The following CCDC39 variants were observed in gnomAD, a reference collection of about 807,000 sequenced individuals.
CCDC39 encodes coiled-coil domain 39 molecular ruler complex subunit.
Under a neutral mutation model 121.0 loss-of-function variants are expected in CCDC39, and 113 were observed. That is an observed-to-expected ratio of 0.93 (90% CI 0.80 to 1.09). The LOEUF (loss-of-function observed/expected upper bound fraction) is 1.09. Ranked by LOEUF, CCDC39 falls within the 50% of genes least tolerant of loss-of-function variation. The pLI, the probability that CCDC39 is intolerant of heterozygous loss-of-function variation, is 0.00. For synonymous variants in CCDC39, 349 were observed against 352.2 expected (o/e 0.99, Z 0.10); for missense variants, 1,063 against 1,074.7 (o/e 0.99, Z 0.15).
At position 180,616,379 on chromosome 3, in the gene CCDC39, A is replaced by G; in HGVS notation, c.2587-16T>C. 1 of 1,600,780 alleles carries G rather than the reference A, an allele frequency of 6.2e-7. No homozygotes were observed. The highest frequency in any genetic ancestry group is 1.3e-5 in the African/African-American group (1 of 74,640). ...CTAACCCACTCTGGAGGAATATTCA[A>G]TAGCAATCATTAGTACTACCTACTG... On this transcript the variant is annotated splice_polypyrimidine_tract_variant and intron_variant, in intron 18 of 19. Transcript: ENST00000476379.
intron 14 of CCDC39, among the ~76,000 whole-genome samples, chr3:180,625,097 A>G (rs1383184088): frequency 6.6e-6 from 1 of 152,152 alleles, no homozygotes; most frequent in Non-Finnish European, 1.5e-5. Context: ...GTTTTCATCA[A>G]TTATTTCCTT....
Position 180,670,393 on chromosome 3 carries a change from T to C in CCDC39, c.91-6407A>G, listed in dbSNP as rs192107565. Among the ~76,000 whole-genome samples, 11 of 152,116 alleles carry C rather than the reference T, an allele frequency of 7.2e-5. No homozygotes were observed. The East Asian group carries it at 1.2e-3, about 16-fold the overall frequency. On this transcript the variant is annotated intron_variant, in intron 1 of 19. Coordinates refer to ENST00000476379, the MANE Select transcript of CCDC39 (RefSeq NM_181426.2). ...AAAAGCTGACAATTTTCTATGACTATTTCCTAGAATCCAAGGCAAAGAAGA... is the reference window on the plus strand; with the variant it reads ...AAAAGCTGACAATTTTCTATGACTACTTCCTAGAATCCAAGGCAAAGAAGA...
intron 19 of CCDC39, 64 bp from the exon 20 acceptor site, chr3:180,615,141 T>G: frequency 8.1e-7 from 1 of 1,228,606 alleles, no homozygotes; most frequent in Non-Finnish European, 1.1e-6. Context: ...GACCCTCTCA[T>G]TATTGGCAAA....
At chr3:180,662,461 T>C (rs1450496634) in intron 2 of CCDC39, among the ~76,000 whole-genome samples, 1 of 152,168 alleles carries the variant, frequency 6.6e-6, no homozygotes, top group Non-Finnish European at 1.5e-5. Flanking sequence ...TATATTAGCA[T>C]ATAATCACAT....
At chr3:180,628,329 T>C (rs1401264300) in intron 14 of CCDC39, among the ~76,000 whole-genome samples, 1 of 152,104 alleles carries the variant, frequency 6.6e-6, no homozygotes, top group Non-Finnish European at 1.5e-5. Flanking sequence ...TGCCTCAGCC[T>C]CCCGAGGAGC....
At chr3:180,663,721 A>G (rs1359827377) in intron 2 of CCDC39, 146 bp downstream of exon 2, 12 of 781,096 alleles carry the variant, frequency 1.5e-5, no homozygotes, top group African/African-American at 1.1e-4. Flanking sequence ...GCCTTTTTCT[A>G]TCTACTTTCA....
chr3:180,632,406 A>G (rs1299362725), intron 13 of CCDC39, among the ~76,000 whole-genome samples: 2 of 152,158 alleles, frequency 1.3e-5, no homozygotes, highest in Admixed American at 6.5e-5. Context: ...TAAGCTCTCT[A>G]ACCATGGTGA....
chr3:180,623,411 C>T (rs60931741), intron 14 of CCDC39, among the ~76,000 whole-genome samples: 11,710 of 151,734 alleles, frequency 0.077, 695 homozygotes, highest in African/African-American at 0.17. Flanking sequence ...TTTTAATTTC[C>T]TTGATCATTT....
At chr3:180,644,882 GAC>G (rs1310488510) in intron 11 of CCDC39, among the ~76,000 whole-genome samples, 1 of 152,148 alleles carries the variant, frequency 6.6e-6, no homozygotes, top group East Asian at 1.9e-4. Flanking sequence ...TGTGCTAGGA[GAC>G]AGCCATTTAT....
chr3:180,651,834 A>C (rs566400276), intron 8 of CCDC39, among the ~76,000 whole-genome samples: 4 of 152,100 alleles, frequency 2.6e-5, no homozygotes, highest in South Asian at 2.1e-4. Context: ...TCAGGAGATC[A>C]AGACCATCCT....
intron 14 of CCDC39, among the ~76,000 whole-genome samples, chr3:180,621,488 T>C (rs949884113): frequency 4.6e-5 from 7 of 152,134 alleles, no homozygotes; most frequent in African/African-American, 1.7e-4. Flanking sequence ...TCTCTAATGA[T>C]TAATGATGAT....
In CCDC39 at chr3:180,616,921, C is replaced by A; in HGVS notation, c.2311G>T (p.Val771Phe). The part of the protein sequence containing the change: ...LDVIEHLANN[V>F]KEKLSEKQAY... ...TGCTTCTCTGATAACTTTTCTTTAACATTATTTGCCAAATGTTCTATAACA... is the reference window on the plus strand; with the variant it reads ...TGCTTCTCTGATAACTTTTCTTTAAAATTATTTGCCAAATGTTCTATAACA... The change falls in exon 17 of 20, where the codon GTT (valine) becomes TTT (phenylalanine). Residue 771 changes from valine (V) to phenylalanine (F), a missense_variant. Coordinates refer to ENST00000476379, the MANE Select transcript of CCDC39 (RefSeq NM_181426.2). 6.6e-7 allele frequency: 1 copy of A among 1,515,354 alleles called. No individual in the cohort carries two copies. The highest frequency in any genetic ancestry group is 9.1e-7 in the Non-Finnish European group (1 of 1,099,968). The allele number at this position is 1,515,354 out of a possible 1,614,324, so 93.9% of individuals were successfully genotyped here. A position where few individuals can be genotyped will look rare whatever the true frequency, so the allele number is the denominator to read the frequency against.
In CCDC39 at chr3:180,642,059, A is replaced by G. The variant is rs368733987; in HGVS notation, c.1808T>C (p.Ile603Thr). The G allele has an allele frequency of 1.8e-5, 29 of 1,611,372 alleles. No homozygotes were observed. In the African/African-American group the frequency reaches 3.7e-4, roughly 21 times the overall value. The stretch of plus-strand genomic sequence containing the variant: ...CGCAAGCATTGTTTTATGAACCTTG[A>G]TTTCTTCAGTTCGCTCTTCCATTGC... ...YTAMEERTEE[I>T]KVHKTMLASQ... Residue 603 changes from isoleucine (I) to threonine (T), a missense_variant, in exon 13 of 20, where the codon ATC becomes ACC. Coordinates refer to ENST00000476379, the MANE Select transcript of CCDC39 (RefSeq NM_181426.2).
intron 7 of CCDC39, among the ~76,000 whole-genome samples, chr3:180,653,331 A>G (rs1711513663): frequency 6.6e-6 from 1 of 152,186 alleles, no homozygotes; most frequent in African/African-American, 2.4e-5. Context: ...ACCCTAATTG[A>G]TTCCTATAGC....
In CCDC39 at chr3:180,666,672, T is replaced by C. The variant is rs1054929491; in HGVS notation, c.91-2686A>G. On this transcript the variant is annotated intron_variant, in intron 1 of 19. Transcript: ENST00000476379. ...AAATGAAAGCATAATTAACTCTCCA[T>C]AAGTTGAAAAGCCCTTCCCCAAAGA... 2.6e-5 allele frequency among the ~76,000 whole-genome samples: 4 copies of C among 152,310 alleles called. 1 individual carries two copies. The highest frequency in any genetic ancestry group is 2.6e-4 in the Admixed American group (4 of 15,292).
At chr3:180,627,172 A>C (rs1717583599) in intron 14 of CCDC39, among the ~76,000 whole-genome samples, 1 of 152,188 alleles carries the variant, frequency 6.6e-6, no homozygotes, top group South Asian at 2.1e-4. Context: ...TTTTATTAGT[A>C]ATATTTCCAT....
chr3:180,644,550 T>C (rs1399062444), intron 11 of CCDC39, among the ~76,000 whole-genome samples: 2 of 152,114 alleles, frequency 1.3e-5, no homozygotes, highest in Admixed American at 1.3e-4. Context: ...CATCCCTCAG[T>C]ATTGTCTGGG....
At chr3:180,623,679 T>G (rs924395991) in intron 14 of CCDC39, among the ~76,000 whole-genome samples, 4 of 152,164 alleles carry the variant, frequency 2.6e-5, no homozygotes, top group African/African-American at 9.7e-5. Context: ...TTCAAAAATT[T>G]TTTTAAATTT....
intron 8 of CCDC39, 135 bp from the exon 9 acceptor site, chr3:180,651,668 A>G (rs556468570): frequency 1.1e-5 from 8 of 724,340 alleles, no homozygotes; most frequent in Non-Finnish European, 1.7e-5. Context: ...TTACCACTAC[A>G]TATTTAATAG....
Sources: gnomAD v4.1 joint callset for allele counts (sites outside exome capture counted in the v4.1 genomes callset) on GRCh38, gnomAD v4.1.1 for gene constraint, MANE v1.5 for transcripts, NCBI Gene and HGNC (gene_info 2026-07-23, HGNC 2026-07-21) for gene names.